The following OR2C1 variants were observed in gnomAD, a reference collection of about 807,000 sequenced individuals.
OR2C1 encodes olfactory receptor family 2 subfamily C member 1.
For missense variants in OR2C1, 468 were observed against 388.3 expected (o/e 1.21, Z -1.73); for synonymous variants, 209 against 167.3 (o/e 1.25, Z -1.92).
chr16:3,349,897 G>A, the OR2C1 span, among the ~76,000 whole-genome samples: 7 of 151,198 alleles, frequency 4.6e-5, no homozygotes, highest in African/African-American at 7.3e-5. Flanking sequence ...GCGAGATTCC[G>A]TCTCAAAAAA....
At chr16:3,331,916 G>C in the OR2C1 span, among the ~76,000 whole-genome samples, 1 of 151,772 alleles carries the variant, frequency 6.6e-6, no homozygotes, top group African/African-American at 2.4e-5. Context: ...ATGAGTTCAC[G>C]TCCTTTGTAG....
the OR2C1 span, among the ~76,000 whole-genome samples, chr16:3,348,420 A>G: frequency 6.6e-6 from 1 of 152,196 alleles, no homozygotes; most frequent in Non-Finnish European, 1.5e-5. Context: ...GCAGTTTACT[A>G]GCCATTTGCC....
upstream of OR2C1, among the ~76,000 whole-genome samples, chr16:3,352,840 C>G (rs1400911719): frequency 6.7e-6 from 1 of 150,028 alleles, no homozygotes; most frequent in East Asian, 2.0e-4. Context: ...CTCCTGGGTT[C>G]AAGTGATTCT....
chr16:3,354,351 G>T (rs1468935325), upstream of OR2C1, among the ~76,000 whole-genome samples: 1 of 152,066 alleles, frequency 6.6e-6, no homozygotes, highest in Non-Finnish European at 1.5e-5. Context: ...CTCAAAAGAG[G>T]GATCTCCTCT....
chr16:3,336,696 T>TTTTC, the OR2C1 span, among the ~76,000 whole-genome samples: 3 of 110,222 alleles, frequency 2.7e-5, no homozygotes, highest in South Asian at 1.0e-3. Context: ...TTCTATTTTC[T>TTTTC]TTTCTTTCTT....
chr16:3,324,035 C>A, the OR2C1 span: 1 of 416,860 alleles, frequency 2.4e-6, no homozygotes, highest in Non-Finnish European at 4.2e-6. Flanking sequence ...GTACAATCAA[C>A]TGAATGATTT....
At position 3,356,232 on chromosome 16, in the gene OR2C1, A is replaced by T. The variant is rs377098192; in HGVS notation, c.292A>T (p.Ile98Leu). 6.2e-7 allele frequency: 1 copy of T among 1,614,170 alleles called. No homozygotes were observed. The highest frequency in any genetic ancestry group is 1.3e-5 in the African/African-American group (1 of 75,056). ...CAAGACCATCAGCTATGGTGGCTGC[A>T]TAACCCAGCTCTATGTCTTCCTTTG... ...PGKTISYGGC[I>L]TQLYVFLWLG... is the part of the protein sequence containing the mutation. The change falls in exon 1 of 1, where the codon ATA (isoleucine) becomes TTA (leucine). Residue 98 changes from isoleucine to leucine, a missense_variant. By Grantham distance (5) the Ile-to-Leu change is conservative. Coordinates refer to ENST00000304936, the MANE Select transcript of OR2C1 (RefSeq NM_012368.3).
chr16:3,329,416 A>G, the OR2C1 span, among the ~76,000 whole-genome samples: 1 of 152,086 alleles, frequency 6.6e-6, no homozygotes, highest in Admixed American at 6.6e-5. Flanking sequence ...AAAAAGGGGG[A>G]AAAACATGCA....
At chr16:3,333,525 C>T in the OR2C1 span, among the ~76,000 whole-genome samples, 3 of 151,822 alleles carry the variant, frequency 2.0e-5, no homozygotes, top group Non-Finnish European at 2.9e-5. Context: ...TTAGTAGAGA[C>T]GGGGTTTCAC....
upstream of OR2C1, among the ~76,000 whole-genome samples, chr16:3,352,693 C>T (rs1271976311): frequency 6.6e-6 from 1 of 150,926 alleles, no homozygotes; most frequent in East Asian, 1.9e-4. Flanking sequence ...GACCAAACAA[C>T]TTTGGAAGAA....
In OR2C1 at chr16:3,356,592, T is replaced by G; in HGVS notation, c.652T>G (p.Tyr218Asp). The change falls in exon 1 of 1, where the codon TAC becomes GAC. Residue 218 changes from tyrosine to aspartate, a missense_variant. Coordinates refer to ENST00000304936, the MANE Select transcript of OR2C1 (RefSeq NM_012368.3). ...CCCACTAAGCATCATCGTGATCTCC[T>G]ACTGCCTCATTGCTCAGGCAGTGCT... is the stretch of plus-strand genomic sequence containing the variant. ...AVPLSIIVIS[Y>D]CLIAQAVLKI... 1 of 1,614,204 alleles carries G rather than the reference T, an allele frequency of 6.2e-7. No individual in the cohort carries two copies. Among genetic ancestry groups the G allele is most frequent in the Non-Finnish European group, 8.5e-7 (1 of 1,180,018 alleles).
At position 3,356,601 on chromosome 16, in the gene OR2C1, A is replaced by G. The variant is rs369480864; in HGVS notation, c.661A>G (p.Ile221Val). 6.2e-6 allele frequency: 10 copies of G among 1,614,032 alleles called. No individual in the cohort carries two copies. The highest frequency in any genetic ancestry group is 8.5e-6 in the Non-Finnish European group (10 of 1,180,046). The change falls in exon 1 of 1, where the codon ATT becomes GTT. Residue 221 changes from isoleucine to valine, a missense_variant. Coordinates refer to ENST00000304936, the MANE Select transcript of OR2C1 (RefSeq NM_012368.3). Reference sequence around the variant, plus strand: ...CATCATCGTGATCTCCTACTGCCTCATTGCTCAGGCAGTGCTGAAAATCCG... The same window carrying G: ...CATCATCGTGATCTCCTACTGCCTCGTTGCTCAGGCAGTGCTGAAAATCCG... ...LSIIVISYCL[I>V]AQAVLKIRSA...
rs1310673208 is a variant in OR2C1, at chr16:3,355,954, A to G, written c.14A>G (p.Asn5Ser). 3.1e-6 allele frequency: 5 copies of G among 1,608,396 alleles called. No homozygotes were observed. The highest frequency in any genetic ancestry group is 4.2e-6 in the Non-Finnish European group (5 of 1,176,674). MDGV[N>S]DSSLQGFVLM... Reference sequence around the variant, plus strand: ...AGACAACCAGTGATGGACGGGGTGAATGATAGCTCCTTGCAGGGCTTTGTT... The same window carrying G: ...AGACAACCAGTGATGGACGGGGTGAGTGATAGCTCCTTGCAGGGCTTTGTT... The change falls in exon 1 of 1, where the codon AAT becomes AGT. Residue 5 changes from asparagine to serine, a missense_variant. Asn to Ser is a conservative substitution (Grantham distance 46). Coordinates refer to ENST00000304936, the MANE Select transcript of OR2C1 (RefSeq NM_012368.3).
chr16:3,349,796 G>T, the OR2C1 span, among the ~76,000 whole-genome samples: 5 of 151,876 alleles, frequency 3.3e-5, no homozygotes, highest in African/African-American at 7.2e-5. Context: ...CAGCTACTAG[G>T]GAGGCAGAGG....
chr16:3,336,371 C>G, the OR2C1 span, among the ~76,000 whole-genome samples: 2 of 151,306 alleles, frequency 1.3e-5, no homozygotes, highest in East Asian at 3.9e-4. Context: ...TTCTTTCTTT[C>G]TTTTTTTTGA....
At chr16:3,353,545 A>T (rs1460908918), upstream of OR2C1, among the ~76,000 whole-genome samples, 7 of 151,304 alleles carry the variant, frequency 4.6e-5, no homozygotes, top group Non-Finnish European at 7.4e-5. Context: ...TCATGCTTGT[A>T]ATCCCAACAC....
At chr16:3,353,978 CT>C (rs1307481834), upstream of OR2C1, among the ~76,000 whole-genome samples, 1 of 121,628 alleles carries the variant, frequency 8.2e-6, no homozygotes, top group Non-Finnish European at 1.8e-5. Context: ...TTTTTCTTTT[CT>C]TTTCTTTTTT....
the OR2C1 span, among the ~76,000 whole-genome samples, chr16:3,347,856 A>G: frequency 6.5e-5 from 4 of 61,994 alleles, no homozygotes; most frequent in African/African-American, 4.2e-4. Flanking sequence ...GCACACGCAC[A>G]CACGCGCACA....
downstream of OR2C1, among the ~76,000 whole-genome samples, chr16:3,358,065 C>T (rs1300032361): frequency 2.6e-5 from 4 of 151,922 alleles, no homozygotes; most frequent in Admixed American, 2.6e-4. Context: ...CTTGTTTACC[C>T]TCTCCCTTAT....
Sources: gnomAD v4.1 joint callset for allele counts (sites outside exome capture counted in the v4.1 genomes callset) on GRCh38, gnomAD v4.1.1 for gene constraint, MANE v1.5 for transcripts, NCBI Gene and HGNC (gene_info 2026-07-23, HGNC 2026-07-21) for gene names.